The following ENTREP2 variants were observed in gnomAD, a reference collection of about 807,000 sequenced individuals.
ENTREP2 encodes endosomal transmembrane epsin interactor 2, also known as protein ENTREP2.
At chr15:29,241,087 T>G in the ENTREP2 span, among the ~76,000 whole-genome samples, 2 of 152,250 alleles carry the variant, frequency 1.3e-5, no homozygotes, top group African/African-American at 2.4e-5. Flanking sequence ...TTTAATTCAT[T>G]CAATGCTATC....
chr15:29,276,929 T>C, the ENTREP2 span, among the ~76,000 whole-genome samples: 5 of 152,212 alleles, frequency 3.3e-5, no homozygotes, highest in Admixed American at 6.5e-5. Context: ...GAAAACAATA[T>C]GACATTTTTG....
the ENTREP2 span, among the ~76,000 whole-genome samples, chr15:29,572,747 T>A: frequency 2.6e-5 from 4 of 152,104 alleles, no homozygotes; most frequent in Non-Finnish European, 5.9e-5. Flanking sequence ...GCAAGCCCCC[T>A]GTACTCAGAG....
the ENTREP2 span, among the ~76,000 whole-genome samples, chr15:29,443,760 G>A: frequency 6.6e-6 from 1 of 152,052 alleles, no homozygotes; most frequent in African/African-American, 2.4e-5. Flanking sequence ...GAGGCAAGTG[G>A]TTACATCCTC....
At chr15:29,376,872 A>G in the ENTREP2 span, 1 of 152,282 alleles carries the variant, frequency 6.6e-6, no homozygotes, top group African/African-American at 2.4e-5. Context: ...ACGCTCCAGC[A>G]GCAGGGGCCA....
the ENTREP2 span, among the ~76,000 whole-genome samples, chr15:29,343,027 T>TGGTGG: frequency 7.6e-6 from 1 of 130,886 alleles, no homozygotes; most frequent in African/African-American, 2.7e-5. Flanking sequence ...TAAAAAGGAA[T>TGGTGG]GGGGGGGGTG....
the ENTREP2 span, among the ~76,000 whole-genome samples, chr15:29,188,604 G>A: frequency 1.3e-5 from 2 of 152,260 alleles, no homozygotes; most frequent in East Asian, 1.9e-4. Context: ...CTTTTTTTAT[G>A]GCTGCATAGT....
At chr15:29,343,028 G>GGGGGC in the ENTREP2 span, among the ~76,000 whole-genome samples, 9 of 26,812 alleles carry the variant, frequency 3.4e-4, no homozygotes, top group Non-Finnish European at 1.1e-3. Flanking sequence ...AAAAAGGAAT[G>GGGGGC]GGGGGGGTGG....
the ENTREP2 span, chr15:29,610,079 G>A: frequency 6.6e-6 from 1 of 150,522 alleles, no homozygotes; most frequent in Non-Finnish European, 1.5e-5. Flanking sequence ...ACTGGGGCCT[G>A]GGGATATAGC....
chr15:29,207,450 G>T, the ENTREP2 span, among the ~76,000 whole-genome samples: 3 of 136,030 alleles, frequency 2.2e-5, no homozygotes, highest in African/African-American at 5.5e-5. Flanking sequence ...CTGCCGGTTG[G>T]GGGGCGGGGG....
the ENTREP2 span, among the ~76,000 whole-genome samples, chr15:29,337,205 G>A: frequency 1.3e-5 from 2 of 152,326 alleles, no homozygotes; most frequent in African/African-American, 2.4e-5. Context: ...TGACCTGGAG[G>A]AATGTGGAAA....
chr15:29,317,430 T>C, the ENTREP2 span, among the ~76,000 whole-genome samples: 3 of 152,144 alleles, frequency 2.0e-5, no homozygotes, highest in African/African-American at 7.2e-5. Context: ...AATTTTAAAA[T>C]GAAGAAATAT....
the ENTREP2 span, among the ~76,000 whole-genome samples, chr15:29,527,557 A>C: frequency 6.6e-6 from 1 of 152,100 alleles, no homozygotes; most frequent in African/African-American, 2.4e-5. Context: ...GAAACACAGA[A>C]TTTACTACTT....
chr15:29,601,515 T>A, the ENTREP2 span, among the ~76,000 whole-genome samples: 1 of 151,994 alleles, frequency 6.6e-6, no homozygotes, highest in African/African-American at 2.4e-5. Context: ...CATTTATGTC[T>A]GTAAGTTTAT....
At chr15:29,416,328 T>G in the ENTREP2 span, among the ~76,000 whole-genome samples, 1 of 152,112 alleles carries the variant, frequency 6.6e-6, no homozygotes, top group Admixed American at 6.5e-5. Flanking sequence ...AACAGAGCCC[T>G]CAGAAATAAT....
At chr15:29,377,439 T>A in the ENTREP2 span, among the ~76,000 whole-genome samples, 1 of 151,946 alleles carries the variant, frequency 6.6e-6, no homozygotes, top group Non-Finnish European at 1.5e-5. Context: ...CACAGATCTG[T>A]TAGGAGGCTA....
At chr15:29,642,045 T>G in the ENTREP2 span, among the ~76,000 whole-genome samples, 1 of 152,086 alleles carries the variant, frequency 6.6e-6, no homozygotes, top group Non-Finnish European at 1.5e-5. Flanking sequence ...AATGTTAACA[T>G]GGCAATATTA....
At chr15:29,477,608 C>A in the ENTREP2 span, among the ~76,000 whole-genome samples, 3 of 152,136 alleles carry the variant, frequency 2.0e-5, no homozygotes, top group Non-Finnish European at 4.4e-5. Context: ...TACTCTGCTA[C>A]CAATCTCCAG....
chr15:29,564,603 G>A, the ENTREP2 span, among the ~76,000 whole-genome samples: 4 of 152,266 alleles, frequency 2.6e-5, no homozygotes, highest in African/African-American at 9.6e-5. Flanking sequence ...AGAAGCCTGG[G>A]AGCCCCTTTC....
the ENTREP2 span, among the ~76,000 whole-genome samples, chr15:29,664,320 C>T: frequency 3.0e-4 from 45 of 152,302 alleles, no homozygotes; most frequent in Non-Finnish European, 4.6e-4. Flanking sequence ...TCTCTTTAAA[C>T]TTCACTGCAC....
Sources: allele counts gnomAD v4.1 joint callset (sites outside exome capture counted in the v4.1 genomes callset), GRCh38; gene constraint gnomAD v4.1.1; transcripts MANE v1.5; gene names NCBI Gene and HGNC (gene_info 2026-07-23, HGNC 2026-07-21).